PCDHA2: variants seen among roughly 807,000 people sequenced by gnomAD.
PCDHA2 encodes the protein protocadherin alpha-2.
In PCDHA2, 58 loss-of-function variants were observed where a neutral mutation model predicts 66.0. The observed-to-expected ratio is 0.88, with a 90% CI of 0.71 to 1.09. The LOEUF (loss-of-function observed/expected upper bound fraction) is 1.09. Among genes scored for constraint, PCDHA2 ranks in the 50% least tolerant of loss-of-function variants. PCDHA2 has a pLI of 0.00. For missense variants in PCDHA2, 1,267 were observed against 1,242.3 expected, an observed-to-expected ratio of 1.02 and a Z score of -0.30; for synonymous variants, 634 against 554.0, an observed-to-expected ratio of 1.14 and a Z score of -2.03.
chr5:140,949,409 A>G (rs547419161), intron 1 of PCDHA2, among the ~76,000 whole-genome samples: 1 of 151,896 alleles, frequency 6.6e-6, no homozygotes, highest in African/African-American at 2.4e-5. Flanking sequence ...AAAATCACCT[A>G]TCATCATTGT....
At chr5:140,921,538 A>C (rs572073676) in intron 1 of PCDHA2, among the ~76,000 whole-genome samples, 2 of 152,344 alleles carry the variant, frequency 1.3e-5, no homozygotes, top group Admixed American at 6.5e-5. Flanking sequence ...CTGATAGAAC[A>C]TTCTGCAAAA....
intron 1 of PCDHA2, among the ~76,000 whole-genome samples, chr5:140,961,121 T>A (rs551567804): frequency 6.6e-6 from 1 of 152,330 alleles, no homozygotes; most frequent in African/African-American, 2.4e-5. Context: ...TGCATCTTAA[T>A]GTCTTGGCAC....
chr5:140,877,153 A>T (rs2056892429), intron 1 of PCDHA2: 2 of 1,613,798 alleles, frequency 1.2e-6, no homozygotes, highest in Non-Finnish European at 1.7e-6. Flanking sequence ...CGAGAACGAC[A>T]ACGCGCCGGC....
Position 140,809,380 on chromosome 5 carries a change from G to C in PCDHA2, c.2388+12028G>C, listed in dbSNP as rs1229745044. On this transcript the variant is annotated intron_variant, in intron 1 of 3. Transcript: ENST00000526136. Reference sequence around the variant, plus strand: ...GCTCTGCGCTGCCCACCGAGGGCGCGTGCGCTCCGGGCAAGCCCACGCTGG... The same window carrying C: ...GCTCTGCGCTGCCCACCGAGGGCGCCTGCGCTCCGGGCAAGCCCACGCTGG... The C allele has an allele frequency of 2.5e-6, 4 of 1,614,042 alleles. No homozygotes were observed. The East Asian group carries it at 8.9e-5, about 36-fold the overall frequency.
intron 1 of PCDHA2, among the ~76,000 whole-genome samples, chr5:140,895,002 A>C (rs1003440406): frequency 6.6e-6 from 1 of 152,030 alleles, no homozygotes; most frequent in Non-Finnish European, 1.5e-5. Flanking sequence ...TACCCTTTTT[A>C]CTTGGACCTT....
intron 1 of PCDHA2, among the ~76,000 whole-genome samples, chr5:140,820,649 A>C (rs1413009255): frequency 6.6e-6 from 1 of 152,120 alleles, no homozygotes; most frequent in Non-Finnish European, 1.5e-5. Context: ...GAGATTAAAA[A>C]GTAATTAAAC....
At chr5:140,833,704 G>A (rs181961427) in intron 1 of PCDHA2, among the ~76,000 whole-genome samples, 1 of 152,174 alleles carries the variant, frequency 6.6e-6, no homozygotes, top group East Asian at 1.9e-4. Context: ...GTTTTCCCAA[G>A]AGAAGTGTCT....
At chr5:140,967,652 T>A in intron 1 of PCDHA2, 1 of 1,614,152 alleles carries the variant, frequency 6.2e-7, no homozygotes, top group South Asian at 1.1e-5. Flanking sequence ...CAGGTACTCC[T>A]TGAGCAGCTA....
intron 1 of PCDHA2, among the ~76,000 whole-genome samples, chr5:140,930,655 C>T (rs1554207993): frequency 6.6e-6 from 1 of 152,110 alleles, no homozygotes; most frequent in Non-Finnish European, 1.5e-5. Context: ...TGAAGCATTC[C>T]TTGTTTTACT....
chr5:140,902,419 T>C (rs2069442508), intron 1 of PCDHA2, among the ~76,000 whole-genome samples: 1 of 152,118 alleles, frequency 6.6e-6, no homozygotes, highest in Non-Finnish European at 1.5e-5. Flanking sequence ...ATAACAGTGG[T>C]GAAAGTGGGC....
At chr5:140,895,875 G>A (rs1277056649) in intron 1 of PCDHA2, among the ~76,000 whole-genome samples, 5 of 152,060 alleles carry the variant, frequency 3.3e-5, no homozygotes, top group African/African-American at 7.2e-5. Context: ...GCAATGGCGC[G>A]ATCTCGGCTC....
chr5:140,884,060 G>T (rs781956914), intron 1 of PCDHA2: 1 of 1,613,430 alleles, frequency 6.2e-7, no homozygotes, highest in African/African-American at 1.3e-5. Flanking sequence ...GCGCGCGGTG[G>T]ACGCCGATTC....
intron 3 of PCDHA2, among the ~76,000 whole-genome samples, chr5:141,001,563 C>A (rs531745574): frequency 6.6e-6 from 1 of 152,296 alleles, no homozygotes; most frequent in South Asian, 2.1e-4. Context: ...GACCACGATT[C>A]TCCTGTGTTT....
rs1395413340 is a variant in PCDHA2 at position 140,844,044 on chromosome 5, A to G, written c.2388+46692A>G. ...GGGCATTTTGATCTTTGGTGAAAGT[A>G]TTCCCCCAAAGCGTTTATTCTTTTG... On this transcript the variant is annotated intron_variant, in intron 1 of 3. Coordinates refer to ENST00000526136, the MANE Select transcript of PCDHA2 (RefSeq NM_018905.3). 1.3e-5 allele frequency among the ~76,000 whole-genome samples: 2 copies of G among 149,664 alleles called. 1 individual carries two copies. The highest frequency in any genetic ancestry group is 4.9e-5 in the African/African-American group (2 of 40,852).
intron 1 of PCDHA2, among the ~76,000 whole-genome samples, chr5:140,977,204 A>G (rs1051271481): frequency 9.9e-5 from 15 of 152,170 alleles, no homozygotes; most frequent in Non-Finnish European, 1.6e-4. Context: ...AGTTGCAGCA[A>G]TTTTCATCAT....
At chr5:140,830,188 C>A (rs2150182568) in intron 1 of PCDHA2, 2 of 1,613,672 alleles carry the variant, frequency 1.2e-6, no homozygotes, top group Non-Finnish European at 1.7e-6. Context: ...TCAACGTGTA[C>A]CTGATCATCG....
chr5:140,807,418 A>C, intron 1 of PCDHA2: 1 of 1,591,824 alleles, frequency 6.3e-7, no homozygotes, highest in Non-Finnish European at 8.5e-7. Context: ...TTCTGGAGGT[A>C]AATCTGCAGA....
At chr5:140,928,878 G>A (rs1563110550) in intron 1 of PCDHA2, 6 of 1,614,194 alleles carry the variant, frequency 3.7e-6, no homozygotes, top group Non-Finnish European at 4.2e-6. Flanking sequence ...CTGTCCCTCA[G>A]TTACTTCCAG....
In PCDHA2 at chr5:140,848,578, G is replaced by A. The variant is rs148489343; in HGVS notation, c.2388+51226G>A. On this transcript the variant is annotated intron_variant, in intron 1 of 3. Transcript: ENST00000526136. ...ATCCTCGCAATGTGGGTGGTGGGGA[G>A]CGGCCAGCTCCACTACTCCGTCCCG... 4 of 1,595,522 alleles carry A rather than the reference G, an allele frequency of 2.5e-6. 1 individual carries two copies. In the African/African-American group the frequency reaches 4.0e-5, roughly 16 times the overall value.
Sources: gnomAD v4.1 joint callset for allele counts (sites outside exome capture counted in the v4.1 genomes callset) on GRCh38, gnomAD v4.1.1 for gene constraint, MANE v1.5 for transcripts, NCBI Gene and HGNC (gene_info 2026-07-23, HGNC 2026-07-21) for gene names.